Variants in CLMN observed in about 807,000 individuals in gnomAD.
CLMN encodes the protein calmin (calponin-like, transmembrane).
In CLMN, 57 loss-of-function variants were observed where a neutral mutation model predicts 92.7. The observed-to-expected ratio is 0.61, with a 90% CI of 0.50 to 0.77. CLMN has a LOEUF of 0.77. CLMN is among the 30% of genes least tolerant of loss of function. The probability of loss-of-function intolerance (pLI) is 0.00; values close to 1 mark genes in which losing one functional copy is unlikely to be tolerated. For missense variants in CLMN, 1,158 were observed against 1,237.5 expected, an observed-to-expected ratio of 0.94 and a Z score of 0.96; for synonymous variants, 466 against 470.6, an observed-to-expected ratio of 0.99 and a Z score of 0.13.
chr14:95,264,515 A>G (rs1216924638), intron 1 of CLMN, among the ~76,000 whole-genome samples: 4 of 152,202 alleles, frequency 2.6e-5, no homozygotes, highest in African/African-American at 9.6e-5. Context: ...ATAAATGGCT[A>G]GTGTGTTTAC....
rs202025624 is a variant in CLMN at position 95,221,814 on chromosome 14, G to C, written c.241-40C>G. 8 of 1,574,530 alleles carry C rather than the reference G, an allele frequency of 5.1e-6. No individual in the cohort carries two copies. The East Asian group carries it at 1.8e-4, about 35-fold the overall frequency. On this transcript the variant is annotated intron_variant, in intron 3 of 12. Transcript: ENST00000298912. ...AGAACAAAACAAGCACATTAAACCC[G>C]CACAGGCACTTCCCAACACCCAGCG...
intron 4 of CLMN, 106 bp from the exon 5 acceptor site, chr14:95,215,839 G>GTGTGTT (rs1168964498): frequency 4.2e-6 from 3 of 715,252 alleles, no homozygotes; most frequent in Non-Finnish European, 7.4e-6. Flanking sequence ...GTGTGTGTGT[G>GTGTGTT]TGTGTGTGTG....
intron 1 of CLMN, among the ~76,000 whole-genome samples, chr14:95,233,447 C>A (rs1408954963): frequency 6.6e-6 from 1 of 152,138 alleles, no homozygotes; most frequent in Admixed American, 6.5e-5. Flanking sequence ...ATCTGTCCAT[C>A]CATCCATCCA....
chr14:95,289,973 C>T (rs2140756268), intron 1 of CLMN, among the ~76,000 whole-genome samples: 1 of 152,336 alleles, frequency 6.6e-6, no homozygotes, highest in Middle Eastern at 3.4e-3. Context: ...AAGAATCAAA[C>T]ACAATAGCTG....
chr14:95,306,863 G>A (rs908111125), intron 1 of CLMN, among the ~76,000 whole-genome samples: 3 of 152,038 alleles, frequency 2.0e-5, no homozygotes, highest in South Asian at 2.1e-4. Context: ...GGTAAAGAGG[G>A]GTCCTACATC....
intron 1 of CLMN, among the ~76,000 whole-genome samples, chr14:95,277,906 C>T (rs1209924979): frequency 1.3e-5 from 2 of 152,222 alleles, no homozygotes; most frequent in Non-Finnish European, 2.9e-5. Context: ...GGATTACAGG[C>T]GTGAGCCACT....
rs1900737851 is a variant in CLMN at position 95,294,771 on chromosome 14, G to A, written c.82+24940C>T. Among the ~76,000 whole-genome samples the A allele has an allele frequency of 6.6e-6, 1 of 152,202 alleles. No homozygotes were observed. Among genetic ancestry groups the A allele is most frequent in the Admixed American group, 6.5e-5 (1 of 15,284 alleles). On this transcript the variant is annotated intron_variant, in intron 1 of 12. Transcript: ENST00000298912. This position sits in a 1 kb window ranked among gnomAD's most constrained non-coding sequence, Gnocchi z 4.2. ...GCACCTGGTCTTCTGGCTACTCACT[G>A]GGTTTGGCCAATGGGAGGCGCTGGC...
chr14:95,227,806 A>G (rs1897760284), intron 2 of CLMN, among the ~76,000 whole-genome samples: 1 of 152,318 alleles, frequency 6.6e-6, no homozygotes, highest in South Asian at 2.1e-4. Context: ...TAAATTAAGG[A>G]ATTTTTCCAG....
At chr14:95,267,975 T>C (rs904389578) in intron 1 of CLMN, among the ~76,000 whole-genome samples, 1 of 152,044 alleles carries the variant, frequency 6.6e-6, no homozygotes, top group Non-Finnish European at 1.5e-5. Context: ...AAGGATCTCA[T>C]GAAAATAGAA....
chr14:95,308,504 A>G (rs1009848018), intron 1 of CLMN, among the ~76,000 whole-genome samples: 1 of 151,928 alleles, frequency 6.6e-6, no homozygotes, highest in African/African-American at 2.4e-5. Flanking sequence ...TGGTTCTACC[A>G]CTCATTAGCT....
chr14:95,306,800 T>C (rs1190241513), intron 1 of CLMN, among the ~76,000 whole-genome samples: 1 of 152,266 alleles, frequency 6.6e-6, no homozygotes, highest in South Asian at 2.1e-4. Flanking sequence ...TTATCAAAAT[T>C]ATGATGAAAA....
rs114344012 is a variant in CLMN, at chr14:95,210,532, C to T, written c.802+154G>A. On this transcript the variant is annotated intron_variant, in intron 7 of 12. Transcript: ENST00000298912. ...ATATAATTAGAGGCATATAAAATAT[C>T]GGAAAAATATCCATATGATCTGAGT... Among the ~76,000 whole-genome samples, 899 of 152,004 alleles carry T rather than the reference C, an allele frequency of 5.9e-3. 12 individuals are homozygous for T. The highest frequency in any genetic ancestry group is 0.02 in the African/African-American group (848 of 41,438).
chr14:95,230,211 A>C (rs1451349850), intron 1 of CLMN, 78 bp from the exon 2 acceptor site: 2 of 1,315,030 alleles, frequency 1.5e-6, no homozygotes, highest in Non-Finnish European at 2.2e-6. Context: ...CCAAGGGGAG[A>C]TTCTAGGTGG....
chr14:95,193,276 C>T (rs1309791281), intron 12 of CLMN: 2 of 1,345,750 alleles, frequency 1.5e-6, no homozygotes, highest in Non-Finnish European at 2.1e-6. Context: ...AGCAATTCAG[C>T]AACATTAGGC....
chr14:95,304,022 C>T (rs1010699375), intron 1 of CLMN, among the ~76,000 whole-genome samples: 8 of 152,126 alleles, frequency 5.3e-5, no homozygotes, highest in African/African-American at 1.2e-4. Flanking sequence ...CCAGTGGTCA[C>T]GGATTTGGCA....
intron 8 of CLMN, among the ~76,000 whole-genome samples, chr14:95,207,320 T>C (rs1897073506): frequency 6.6e-6 from 1 of 152,192 alleles, no homozygotes; most frequent in African/African-American, 2.4e-5. Flanking sequence ...GGGTCTCGCT[T>C]TGTTGCCCAG....
chr14:95,210,920 T>C, intron 6 of CLMN, 41 bp from the exon 7 acceptor site: 1 of 1,482,472 alleles, frequency 6.7e-7, no homozygotes. Flanking sequence ...TGCTGGTTAG[T>C]AAACAGACTC....
chr14:95,213,121 AT>A, intron 6 of CLMN, 97 bp downstream of exon 6: 2 of 1,320,188 alleles, frequency 1.5e-6, no homozygotes, highest in Non-Finnish European at 2.1e-6. Flanking sequence ...CAATGGGCAC[AT>A]ACATAACTGG....
chr14:95,278,179 A>G (rs1322057426), intron 1 of CLMN, among the ~76,000 whole-genome samples: 1 of 152,214 alleles, frequency 6.6e-6, no homozygotes, highest in African/African-American at 2.4e-5. Context: ...ACCTTAGTTA[A>G]GGAATATTGG....
Sources: gnomAD v4.1 joint callset for allele counts (sites outside exome capture counted in the v4.1 genomes callset) on GRCh38, gnomAD v4.1.1 for gene constraint, Gnocchi (gnomAD v3.1) non-coding constraint, MANE v1.5 for transcripts, NCBI Gene and HGNC (gene_info 2026-07-23, HGNC 2026-07-21) for gene names.